HELLS: variants seen among roughly 807,000 people sequenced by gnomAD.
HELLS encodes helicase, lymphoid specific, also known as lymphoid-specific helicase.
Under a neutral mutation model 120.0 loss-of-function variants are expected in HELLS, and 32 were observed. The ratio of observed to expected loss-of-function variants is 0.27; its 90% CI spans 0.20 to 0.36. The LOEUF (loss-of-function observed/expected upper bound fraction) is 0.36. Ranked by LOEUF, HELLS falls within the 10% of genes least tolerant of loss-of-function variation. The pLI is 1.00. For synonymous variants in HELLS, 341 were observed against 323.4 expected, an observed-to-expected ratio of 1.05 and a Z score of -0.58; for missense variants, 650 against 993.4, an observed-to-expected ratio of 0.65 and a Z score of 4.65.
chr10:94,603,894 C>T (rs1228062926), downstream of HELLS, among the ~76,000 whole-genome samples: 1 of 152,020 alleles, frequency 6.6e-6, no homozygotes, highest in Non-Finnish European at 1.5e-5. Context: ...GTAGTGCAAT[C>T]TCAGCTGACT....
At chr10:94,594,630 C>A (rs532079776) in intron 18 of HELLS, 65 bp from the exon 19 acceptor site, 2 of 1,233,464 alleles carry the variant, frequency 1.6e-6, no homozygotes, top group Non-Finnish European at 2.3e-6. Context: ...TTGACTTTAT[C>A]CACATGAGTT....
chr10:94,589,672 C>G (rs1004960311), intron 13 of HELLS, among the ~76,000 whole-genome samples: 1 of 147,570 alleles, frequency 6.8e-6, no homozygotes, highest in Non-Finnish European at 1.5e-5. Flanking sequence ...AGACTCTTCT[C>G]CCCCCGACTT....
intron 6 of HELLS, among the ~76,000 whole-genome samples, chr10:94,566,904 C>T (rs958289312): frequency 6.6e-6 from 1 of 152,154 alleles, no homozygotes; most frequent in African/African-American, 2.4e-5. Flanking sequence ...ATCTGCTTGC[C>T]TCTGCCTTCC....
chr10:94,582,949 T>G lies in HELLS; in HGVS notation c.1230-14T>G. 6.7e-7 allele frequency: 1 copy of G among 1,487,910 alleles called. No homozygotes were observed. Among genetic ancestry groups the G allele is most frequent in the Non-Finnish European group, 9.3e-7 (1 of 1,080,436 alleles). The allele number at this position is 1,487,910 out of a possible 1,614,324, so 92.2% of individuals were successfully genotyped here. A position where few individuals can be genotyped will look rare whatever the true frequency, so the allele number is the denominator to read the frequency against. On this transcript the variant is annotated splice_polypyrimidine_tract_variant and intron_variant, in intron 11 of 21. Transcript: ENST00000348459. ...ATTTATGTGATGGTTAACTTAAACATTTTTCTCTTCCAGCTTTGAGTCTTG... is the reference window on the plus strand; with the variant it reads ...ATTTATGTGATGGTTAACTTAAACAGTTTTCTCTTCCAGCTTTGAGTCTTG...
chr10:94,558,836 T>G (rs1341727866), intron 4 of HELLS, among the ~76,000 whole-genome samples: 1 of 152,098 alleles, frequency 6.6e-6, no homozygotes, highest in African/African-American at 2.4e-5. Context: ...CTCCTGACCT[T>G]GTGATCTGCC....
At chr10:94,610,548 C>G (rs925433226) in exon 10 of HELLS, 9 of 151,766 alleles carry the variant, frequency 5.9e-5, no homozygotes, top group African/African-American at 9.7e-5. Flanking sequence ...AGAAATCTTT[C>G]AGAGAAAGGT....
exon 9 of HELLS, chr10:94,607,928 A>G (rs749358466): frequency 1.2e-5 from 5 of 431,770 alleles, no homozygotes; most frequent in Admixed American, 5.0e-5. Context: ...GGGTTTCACC[A>G]TCTTGGCCTG....
intron 9 of HELLS, 129 bp downstream of exon 9, chr10:94,574,865 C>G (rs1844354217): frequency 1.4e-6 from 1 of 691,230 alleles, no homozygotes; most frequent in African/African-American, 1.8e-5. Context: ...TCTGATTTGA[C>G]TTACTCAATC....
downstream of HELLS, among the ~76,000 whole-genome samples, chr10:94,605,375 G>A (rs758749712): frequency 2.0e-5 from 3 of 151,956 alleles, no homozygotes; most frequent in African/African-American, 4.8e-5. Context: ...GAGCCACTGC[G>A]CCTGGCTGGA....
At chr10:94,587,905 C>G (rs1290228237) in intron 12 of HELLS, among the ~76,000 whole-genome samples, 1 of 152,118 alleles carries the variant, frequency 6.6e-6, no homozygotes, top group Non-Finnish European at 1.5e-5. Context: ...GTGCTGATAA[C>G]ATCTCATTCT....
intron 21 of HELLS, among the ~76,000 whole-genome samples, chr10:94,600,041 A>G (rs34151925): frequency 0.21 from 31,255 of 152,114 alleles, 3,359 homozygotes; most frequent in South Asian, 0.35. Context: ...CTATAATCCT[A>G]TCACTTTGGG....
At chr10:94,546,630 C>A in intron 2 of HELLS, 132 bp downstream of exon 2, 1 of 988,454 alleles carries the variant, frequency 1.0e-6, no homozygotes, top group Non-Finnish European at 1.5e-6. Flanking sequence ...AGCTTTATTA[C>A]TTGTCTTTTT....
Position 94,574,658 on chromosome 10 carries a change from A to AC in HELLS, c.812dup (p.Gly272ArgfsTer14). On this transcript the variant is annotated frameshift_variant, in exon 9 of 22. Transcript: ENST00000348459. LOFTEE classifies it high-confidence loss of function. ...TTGCATTGATGATTCAGAGAGGAGTACCAGGACCTTTTCTTGTCTGTGGCC... is the reference window on the plus strand; with the variant it reads ...TTGCATTGATGATTCAGAGAGGAGTACCCAGGACCTTTTCTTGTCTGTGGCC... 1.2e-6 allele frequency: 2 copies of AC among 1,613,910 alleles called. No individual in the cohort carries two copies. The highest frequency in any genetic ancestry group is 1.7e-6 in the Non-Finnish European group (2 of 1,179,840).
At position 94,568,369 on chromosome 10, in the gene HELLS, T is replaced by G. The variant is rs117840596; in HGVS notation, c.436-3019T>G. Among the ~76,000 whole-genome samples the G allele has an allele frequency of 1.5e-3, 235 of 152,292 alleles. 1 individual carries two copies. The highest frequency in any genetic ancestry group is 2.7e-3 in the Non-Finnish European group (186 of 68,014). ...TTCCTCTCTTCCGAATCTTGCTCTTTTGTTTTCTCTTTTTTTGGTGTTAAT... is the reference window on the plus strand; with the variant it reads ...TTCCTCTCTTCCGAATCTTGCTCTTGTGTTTTCTCTTTTTTTGGTGTTAAT... On this transcript the variant is annotated intron_variant, in intron 6 of 21. Coordinates refer to ENST00000348459, the MANE Select transcript of HELLS (RefSeq NM_018063.5).
intron 15 of HELLS, 44 bp from the exon 16 acceptor site, chr10:94,592,185 T>G (rs1351762581): frequency 1.1e-5 from 16 of 1,423,934 alleles, no homozygotes; most frequent in Non-Finnish European, 1.6e-5. Flanking sequence ...ACAAAGCAAA[T>G]AACAGTTTTC....
intron 10 of HELLS, among the ~76,000 whole-genome samples, chr10:94,578,761 G>A (rs538395806): frequency 5.3e-5 from 8 of 152,258 alleles, no homozygotes; most frequent in Non-Finnish European, 7.4e-5. Flanking sequence ...TTTCCATCTA[G>A]GGATGATGGG....
At chr10:94,604,690 A>G (rs535354291), downstream of HELLS, among the ~76,000 whole-genome samples, 24 of 152,186 alleles carry the variant, frequency 1.6e-4, no homozygotes, top group African/African-American at 5.5e-4. Flanking sequence ...ATAACTTTTG[A>G]TTGGCTCAAT....
chr10:94,573,359 C>T (rs75977792), intron 7 of HELLS, among the ~76,000 whole-genome samples: 1 of 152,146 alleles, frequency 6.6e-6, no homozygotes. Flanking sequence ...TTGAGTATCA[C>T]AATATTAGAA....
chr10:94,598,501 G>A (rs568441822), intron 21 of HELLS, among the ~76,000 whole-genome samples: 2 of 151,912 alleles, frequency 1.3e-5, no homozygotes, highest in Non-Finnish European at 2.9e-5. Flanking sequence ...ATTTACCTGC[G>A]TGGCACTGGC....
Sources: gnomAD v4.1 joint callset for allele counts (sites outside exome capture counted in the v4.1 genomes callset) on GRCh38, gnomAD v4.1.1 for gene constraint, MANE v1.5 for transcripts, NCBI Gene and HGNC (gene_info 2026-07-23, HGNC 2026-07-21) for gene names.